The following FAM171B variants were observed in gnomAD, a reference collection of about 807,000 sequenced individuals.
FAM171B encodes the protein protein FAM171B.
Under a neutral mutation model 75.6 loss-of-function variants are expected in FAM171B, and 19 were observed. The observed-to-expected ratio is 0.25, with a 90% confidence interval of 0.18 to 0.37. FAM171B has a LOEUF of 0.37. FAM171B is among the 10% of genes least tolerant of loss of function. The probability of loss-of-function intolerance (pLI) is 1.00; values close to 1 mark genes in which losing one functional copy is unlikely to be tolerated. For missense variants in FAM171B, 848 were observed against 982.4 expected (o/e 0.86, Z 1.83); for synonymous variants, 367 against 361.7 (o/e 1.01, Z -0.17).
chr2:186,738,192 C>A (rs562259212), intron 1 of FAM171B, among the ~76,000 whole-genome samples: 2 of 152,328 alleles, frequency 1.3e-5, no homozygotes, highest in Admixed American at 1.3e-4. Context: ...GAGCATATTG[C>A]AGCTATTTTA....
At chr2:186,734,802 CA>C (rs1045224764) in intron 1 of FAM171B, among the ~76,000 whole-genome samples, 37 of 152,202 alleles carry the variant, frequency 2.4e-4, no homozygotes, top group Admixed American at 2.3e-3. Flanking sequence ...CATGAGTGCC[CA>C]AAGTCCGGAA....
chr2:186,701,168 A>C (rs1052486390), intron 1 of FAM171B, among the ~76,000 whole-genome samples: 1 of 152,024 alleles, frequency 6.6e-6, no homozygotes, highest in African/African-American at 2.4e-5. Flanking sequence ...TGATCTGCCC[A>C]CCTCAGCCTC....
At chr2:186,745,066 G>A (rs912142107) in intron 3 of FAM171B, among the ~76,000 whole-genome samples, 2 of 152,096 alleles carry the variant, frequency 1.3e-5, no homozygotes, top group Non-Finnish European at 2.9e-5. Flanking sequence ...CTGACCTCAA[G>A]CGATCCGCCC....
intron 1 of FAM171B, among the ~76,000 whole-genome samples, chr2:186,729,027 A>G (rs544672776): frequency 1.3e-5 from 2 of 152,252 alleles, no homozygotes; most frequent in Admixed American, 6.5e-5. Flanking sequence ...ATTTTTTTCT[A>G]GAATATTCCT....
At chr2:186,708,393 A>G (rs995666237) in intron 1 of FAM171B, among the ~76,000 whole-genome samples, 46 of 152,258 alleles carry the variant, frequency 3.0e-4, no homozygotes, top group African/African-American at 1.0e-3. Flanking sequence ...TTGAATGTCT[A>G]TGTGCCAGAT....
intron 1 of FAM171B, among the ~76,000 whole-genome samples, chr2:186,710,636 C>T (rs1160242032): frequency 6.6e-6 from 1 of 152,094 alleles, no homozygotes; most frequent in Non-Finnish European, 1.5e-5. Context: ...ATTTTTTCTT[C>T]CCTGTAACTC....
intron 1 of FAM171B, among the ~76,000 whole-genome samples, chr2:186,729,821 TATG>T (rs1296105801): frequency 2.0e-5 from 3 of 152,136 alleles, no homozygotes; most frequent in South Asian, 2.1e-4. Context: ...AGTTAGTAAA[TATG>T]ATGAAAACCA....
Position 186,694,179 on chromosome 2 carries a change from G to T in FAM171B, c.6G>T (p.Ala2=). 2 of 1,597,036 alleles carry T rather than the reference G, an allele frequency of 1.3e-6. No individual in the cohort carries two copies. The highest frequency in any genetic ancestry group is 1.1e-5 in the South Asian group (1 of 89,936). Reference sequence around the variant, plus strand: ...CGGCCCTCTGGCTCTAGGCCATGGCGAGGCTCTGCCGGCGTGTCCCCTGCA... The same window carrying T: ...CGGCCCTCTGGCTCTAGGCCATGGCTAGGCTCTGCCGGCGTGTCCCCTGCA... M[A]RLCRRVPCTL... Residue 2 remains alanine (A), a synonymous_variant, in exon 1 of 8, where the codon GCG becomes GCT. Coordinates refer to ENST00000304698, the MANE Select transcript of FAM171B (RefSeq NM_177454.4).
chr2:186,696,543 C>T (rs540973278), intron 1 of FAM171B, among the ~76,000 whole-genome samples: 1 of 144,906 alleles, frequency 6.9e-6, no homozygotes, highest in Admixed American at 7.1e-5. Flanking sequence ...ATGCCCAGAT[C>T]GTGAAAATGG....
chr2:186,720,721 A>C (rs1689941318), intron 1 of FAM171B, among the ~76,000 whole-genome samples: 1 of 150,700 alleles, frequency 6.6e-6, no homozygotes, highest in Non-Finnish European at 1.5e-5. Flanking sequence ...AAAAAAGAAA[A>C]GAAAACAAAA....
chr2:186,714,402 A>G (rs1689849170), intron 1 of FAM171B, among the ~76,000 whole-genome samples: 1 of 152,200 alleles, frequency 6.6e-6, no homozygotes, highest in African/African-American at 2.4e-5. Context: ...TTAAAAGATG[A>G]GATGAAAGAA....
rs1409939650 is a variant in FAM171B at position 186,762,126 on chromosome 2, C to T, written c.1784C>T (p.Ala595Val). 2.5e-6 allele frequency: 4 copies of T among 1,613,538 alleles called. No individual in the cohort carries two copies. The highest frequency in any genetic ancestry group is 3.4e-6 in the Non-Finnish European group (4 of 1,179,774). Residue 595 changes from alanine to valine, a missense_variant, in exon 8 of 8, where the codon GCA (alanine) becomes GTA (valine). Physicochemically the swap from Ala to Val is moderately conservative, Grantham distance 64. Around this residue, in one of 3 missense-constraint regions of FAM171B, gnomAD observed 665 missense variants for 729.0 expected, o/e 0.91. Coordinates refer to ENST00000304698, the MANE Select transcript of FAM171B (RefSeq NM_177454.4). The surrounding 1 kb of genome is among the most constrained non-coding windows in gnomAD (Gnocchi z 4.0). ...TLPKMPIHSH[A>V]QPPDAREEDI... ...CCCAAAATGCCAATTCATTCTCATG[C>T]ACAGCCCCCAGATGCCAGGGAAGAG...
intron 1 of FAM171B, among the ~76,000 whole-genome samples, chr2:186,717,687 T>C (rs1418804763): frequency 6.6e-6 from 1 of 152,144 alleles, no homozygotes; most frequent in Non-Finnish European, 1.5e-5. Flanking sequence ...GTCTCTTCTC[T>C]CTGGACAGCT....
rs552097844 is a variant in FAM171B at position 186,721,171 on chromosome 2, C to G, written c.239-19057C>G. Among the ~76,000 whole-genome samples, 100 of 152,252 alleles carry G rather than the reference C, an allele frequency of 6.6e-4. 2 individuals are homozygous for G. The highest frequency in any genetic ancestry group is 3.9e-3 in the East Asian group (20 of 5,186). On this transcript the variant is annotated intron_variant, in intron 1 of 7. Transcript: ENST00000304698. ...CTCAATCTTGGCTGTGCACTAGAATCATCTGGAACCTTTCAAAAATATGCT... is the reference window on the plus strand; with the variant it reads ...CTCAATCTTGGCTGTGCACTAGAATGATCTGGAACCTTTCAAAAATATGCT...
chr2:186,760,982 A>C, intron 6 of FAM171B, 131 bp from the exon 7 acceptor site: 2 of 904,712 alleles, frequency 2.2e-6, no homozygotes. Context: ...CCCATAGGGA[A>C]ATCTGTCATA....
At position 186,694,064 on chromosome 2, in the gene FAM171B, A is replaced by T. The variant is rs1245557348; in HGVS notation, c.-110A>T. On this transcript the variant is annotated 5_prime_UTR_variant, in exon 1 of 8. Transcript: ENST00000304698. ...CTGCCGGTGAGGGAGTGCTTGGCAGATTGCGCGAGGGGGAGCGAGCGAGCG... is the reference window on the plus strand; with the variant it reads ...CTGCCGGTGAGGGAGTGCTTGGCAGTTTGCGCGAGGGGGAGCGAGCGAGCG... 3 of 1,345,162 alleles carry T rather than the reference A, an allele frequency of 2.2e-6. No homozygotes were observed. The highest frequency in any genetic ancestry group is 2.9e-6 in the Non-Finnish European group (3 of 1,045,192). 83.3% of individuals were successfully genotyped at this position (1,345,162 alleles called of 1,614,324 possible).
chr2:186,720,709 A>G (rs1339509048), intron 1 of FAM171B, among the ~76,000 whole-genome samples: 1 of 145,988 alleles, frequency 6.8e-6, no homozygotes, highest in Non-Finnish European at 1.5e-5. Context: ...ACAAAAAAAA[A>G]AAAAAAAGAA....
Position 186,728,213 on chromosome 2 carries a change from A to G in FAM171B, c.239-12015A>G, listed in dbSNP as rs572916534. ...ATTAGTGTCATTTTTTGATACTTAG[A>G]GGAATTTTTATACATATTCTAAATT... is the stretch of plus-strand genomic sequence containing the variant. On this transcript the variant is annotated intron_variant, in intron 1 of 7. Coordinates refer to ENST00000304698, the MANE Select transcript of FAM171B (RefSeq NM_177454.4). Among the ~76,000 whole-genome samples, 4 of 152,346 alleles carry G rather than the reference A, an allele frequency of 2.6e-5. No homozygotes were observed. The East Asian group carries it at 7.7e-4, about 29-fold the overall frequency.
At chr2:186,756,032 T>G (rs1344821401) in intron 6 of FAM171B, among the ~76,000 whole-genome samples, 1 of 152,198 alleles carries the variant, frequency 6.6e-6, no homozygotes, top group Non-Finnish European at 1.5e-5. Flanking sequence ...AAAAATAACC[T>G]AAGGAGCATT....
Sources: allele counts gnomAD v4.1 joint callset (sites outside exome capture counted in the v4.1 genomes callset), GRCh38; gene constraint gnomAD v4.1.1; regional missense constraint gnomAD v4.1.1; non-coding constraint Gnocchi (gnomAD v3.1); transcripts MANE v1.5; gene names NCBI Gene and HGNC (gene_info 2026-07-23, HGNC 2026-07-21).